The following DROSHA variants were observed in gnomAD, a reference collection of about 807,000 sequenced individuals.
DROSHA encodes drosha ribonuclease III.
Under a neutral mutation model 181.9 loss-of-function variants are expected in DROSHA, and 56 were observed. That is an observed-to-expected ratio of 0.31 (90% confidence interval 0.25 to 0.38). The LOEUF is 0.38. Among genes scored for constraint, DROSHA ranks in the 10% least tolerant of loss-of-function variants. The pLI is 1.00. For synonymous variants in DROSHA, 524 were observed against 591.2 expected (o/e 0.89, Z 1.65); for missense variants, 1,218 against 1,743.5 (o/e 0.70, Z 5.37).
chr5:31,511,394 C>T (rs1580348605), intron 8 of DROSHA, among the ~76,000 whole-genome samples: 1 of 152,252 alleles, frequency 6.6e-6, no homozygotes, highest in East Asian at 1.9e-4. Flanking sequence ...GGTAAATGTG[C>T]CTTGCCAACA....
Position 31,508,614 on chromosome 5 carries a change from C to T in DROSHA, c.1587+7G>A, listed in dbSNP as rs919566009. The T allele has an allele frequency of 1.2e-6, 2 of 1,613,918 alleles. No individual in the cohort carries two copies. Among genetic ancestry groups the T allele is most frequent in the Admixed American group, 3.3e-5 (2 of 60,008 alleles). ...AACCTTCACAGCAAGGGCATAAAAACACGCACCTGGCCTGGATCGTTGTAC... is the reference window on the plus strand; with the variant it reads ...AACCTTCACAGCAAGGGCATAAAAATACGCACCTGGCCTGGATCGTTGTAC... On this transcript the variant is annotated splice_region_variant and intron_variant, in intron 10 of 35. Transcript: ENST00000344624.
In DROSHA at chr5:31,503,827, T is replaced by C. The variant is rs563446114; in HGVS notation, c.1668+728A>G. On this transcript the variant is annotated intron_variant, in intron 11 of 35. Coordinates refer to ENST00000344624, the MANE Select transcript of DROSHA (RefSeq NM_001382508.1). ...TTCAAAGACAAATGAGCAGAAGTGA[T>C]GCAAGTATTTCAAATTATCAGGCAC... Among the ~76,000 whole-genome samples the C allele has an allele frequency of 2.3e-4, 35 of 152,354 alleles. 1 individual carries two copies. The highest frequency in any genetic ancestry group is 6.0e-4 in the African/African-American group (25 of 41,592).
At chr5:31,430,436 A>C (rs193269783) in intron 26 of DROSHA, among the ~76,000 whole-genome samples, 1 of 152,314 alleles carries the variant, frequency 6.6e-6, no homozygotes, top group East Asian at 1.9e-4. Flanking sequence ...AGCTTAAGGA[A>C]GTAGAGCTTT....
rs1739036886 is a variant in DROSHA at position 31,514,279 on chromosome 5, A to G, written c.1290+709T>C. ...CACACACATACACATACACACTACA[A>G]ACTGCATAAACTAGTTACATGTGAA... is the stretch of plus-strand genomic sequence containing the variant. On this transcript the variant is annotated intron_variant, in intron 8 of 35. Coordinates refer to ENST00000344624, the MANE Select transcript of DROSHA (RefSeq NM_001382508.1). This position sits in a 1 kb window ranked among gnomAD's most constrained non-coding sequence, Gnocchi z 4.4. 6.6e-6 allele frequency among the ~76,000 whole-genome samples: 1 copy of G among 151,820 alleles called. No individual in the cohort carries two copies. The highest frequency in any genetic ancestry group is 1.9e-4 in the East Asian group (1 of 5,172).
At chr5:31,430,510 T>A (rs527749730) in intron 26 of DROSHA, among the ~76,000 whole-genome samples, 25 of 152,286 alleles carry the variant, frequency 1.6e-4, no homozygotes, top group African/African-American at 4.8e-4. Context: ...GCAAGGTAAG[T>A]GATACTATCT....
At chr5:31,467,801 G>T in intron 18 of DROSHA, 138 bp downstream of exon 18, 1 of 1,119,858 alleles carries the variant, frequency 8.9e-7, no homozygotes, top group South Asian at 1.9e-5. Flanking sequence ...TTTCATTTGG[G>T]TAATCTAAAT....
At chr5:31,492,006 C>T (rs1165129920) in intron 13 of DROSHA, among the ~76,000 whole-genome samples, 1 of 152,144 alleles carries the variant, frequency 6.6e-6, no homozygotes, top group Non-Finnish European at 1.5e-5. Flanking sequence ...GTTGGCCAAG[C>T]TGGTCTTGAA....
In DROSHA at chr5:31,409,608, A is replaced by G. The variant is rs112560684; in HGVS notation, c.3668-276T>C. 2.0e-4 allele frequency: 72 copies of G among 365,940 alleles called. No individual in the cohort carries two copies. Among genetic ancestry groups the G allele is most frequent in the African/African-American group, 1.4e-3 (69 of 48,746 alleles). The allele number at this position is 365,940 out of a possible 1,614,324, so 22.7% of individuals were successfully genotyped here. ...TAAAAGGTACACAGAATGCCGCTGT[A>G]TATCAGGGAAAAAATGCTGAGCACC... is the stretch of plus-strand genomic sequence containing the variant. On this transcript the variant is annotated intron_variant, in intron 31 of 35. Transcript: ENST00000344624. This position sits in a 1 kb window ranked among gnomAD's most constrained non-coding sequence, Gnocchi z 4.0.
At chr5:31,450,418 T>C (rs1746837449) in intron 21 of DROSHA, among the ~76,000 whole-genome samples, 1 of 152,280 alleles carries the variant, frequency 6.6e-6, no homozygotes, top group East Asian at 1.9e-4. Context: ...TGCAAAGATA[T>C]GGAATCAACC....
chr5:31,401,733 T>C (rs1561100986), intron 35 of DROSHA, among the ~76,000 whole-genome samples, 171 bp from the exon 36 acceptor site: 1 of 152,184 alleles, frequency 6.6e-6, no homozygotes, highest in Non-Finnish European at 1.5e-5. Context: ...TATTCTTTCA[T>C]CACTCAAAAA....
At chr5:31,453,399 G>A (rs559090794) in intron 20 of DROSHA, among the ~76,000 whole-genome samples, 11 of 152,104 alleles carry the variant, frequency 7.2e-5, no homozygotes, top group East Asian at 1.9e-4. Flanking sequence ...ATGAGGTTTC[G>A]CCATGTTGCC....
chr5:31,418,673 GAT>G (rs1009075516), intron 30 of DROSHA, among the ~76,000 whole-genome samples: 2 of 152,080 alleles, frequency 1.3e-5, no homozygotes, highest in African/African-American at 4.8e-5. Flanking sequence ...TAAGGAAGAG[GAT>G]AAATTCAAGA....
intron 33 of DROSHA, among the ~76,000 whole-genome samples, chr5:31,407,638 T>TA (rs1018591846): frequency 3.9e-5 from 6 of 151,930 alleles, no homozygotes; most frequent in Non-Finnish European, 8.8e-5. Context: ...ATAGTAATCT[T>TA]AAAAAAAACC....
intron 33 of DROSHA, among the ~76,000 whole-genome samples, chr5:31,408,576 G>C (rs1267665237): frequency 1.3e-5 from 2 of 152,098 alleles, no homozygotes; most frequent in East Asian, 3.9e-4. Context: ...GATGGCTTTT[G>C]ACACACATTC....
At chr5:31,437,194 A>C in intron 24 of DROSHA, 45 bp downstream of exon 24, 1 of 1,531,322 alleles carries the variant, frequency 6.5e-7, no homozygotes, top group East Asian at 2.4e-5. Flanking sequence ...TTACCTATAA[A>C]ATGTAATTAT....
At chr5:31,437,511 A>T (rs562697918) in intron 23 of DROSHA, among the ~76,000 whole-genome samples, 10 of 151,862 alleles carry the variant, frequency 6.6e-5, no homozygotes, top group Admixed American at 1.3e-4. Context: ...CCTTCATATC[A>T]CGGGGGTCAG....
chr5:31,493,712 C>T (rs1752645169), intron 12 of DROSHA, among the ~76,000 whole-genome samples: 1 of 152,126 alleles, frequency 6.6e-6, no homozygotes, highest in African/African-American at 2.4e-5. Flanking sequence ...AGACTAGCAA[C>T]AGCCTAGAAG....
At position 31,511,227 on chromosome 5, in the gene DROSHA, T is replaced by C; in HGVS notation, c.1291-51A>G. The C allele has an allele frequency of 4.6e-6, 7 of 1,531,014 alleles. 1 individual carries two copies. The South Asian group carries it at 7.2e-5, about 16-fold the overall frequency. The allele number at this position is 1,531,014 out of a possible 1,614,324, so 94.8% of individuals were successfully genotyped here. A position where few individuals can be genotyped will look rare whatever the true frequency, so the allele number is the denominator to read the frequency against. On this transcript the variant is annotated intron_variant, in intron 8 of 35. Transcript: ENST00000344624. ...AGGAACTATATCAATAACGATCATA[T>C]CAAAGATATGTAAGATCTCACAGGT...
chr5:31,503,751 C>T (rs1464677169), intron 11 of DROSHA, among the ~76,000 whole-genome samples: 1 of 152,214 alleles, frequency 6.6e-6, no homozygotes, highest in Non-Finnish European at 1.5e-5. Context: ...TGTGCACAAA[C>T]GCTCACAAGA....
Sources: gnomAD v4.1 joint callset for allele counts (sites outside exome capture counted in the v4.1 genomes callset) on GRCh38, gnomAD v4.1.1 for gene constraint, Gnocchi (gnomAD v3.1) non-coding constraint, MANE v1.5 for transcripts, NCBI Gene and HGNC (gene_info 2026-07-23, HGNC 2026-07-21) for gene names.